Variants in CPLX2 observed in about 807,000 individuals in gnomAD.
CPLX2 encodes the protein complexin 2.
A neutral mutation model predicts 16.3 loss-of-function variants in CPLX2; 5 were observed. The observed-to-expected ratio is 0.31, with a 90% CI of 0.16 to 0.64. CPLX2 has a LOEUF of 0.64. Ranked by LOEUF, CPLX2 falls within the 30% of genes least tolerant of loss-of-function variation. The pLI is 0.79. For missense variants in CPLX2, 144 were observed against 181.4 expected (o/e 0.79, Z 1.18); for synonymous variants, 89 against 73.2 (o/e 1.22, Z -1.10).
upstream of CPLX2, among the ~76,000 whole-genome samples, chr5:175,869,406 AG>A (rs1759538399): frequency 6.6e-6 from 1 of 151,874 alleles, no homozygotes; most frequent in Non-Finnish European, 1.5e-5. Context: ...AACCCCACAC[AG>A]GGCAGTCTAT....
chr5:175,812,313 C>T (rs1156312536), intron 2 of CPLX2, among the ~76,000 whole-genome samples: 1 of 152,208 alleles, frequency 6.6e-6, no homozygotes, highest in Non-Finnish European at 1.5e-5. Context: ...ATGAGAACAC[C>T]AGTGAGCTTC....
At chr5:175,839,574 C>T (rs539253401) in intron 2 of CPLX2, among the ~76,000 whole-genome samples, 2 of 152,348 alleles carry the variant, frequency 1.3e-5, no homozygotes, top group African/African-American at 4.8e-5. Context: ...GCGTGAGCCA[C>T]CTCATCCGGC....
rs918496397 is a variant in CPLX2 at position 175,809,144 on chromosome 5, G to A, written c.-89+76G>A. ...CTCATCCCTGGAGCCCTGATGAAGG[G>A]GGCACGTCTTCCCCTCTGTGATTGC... On this transcript the variant is annotated intron_variant, in intron 2 of 4. Coordinates refer to the CPLX2 transcript ENST00000359546. This position sits in a 1 kb window ranked among gnomAD's most constrained non-coding sequence, Gnocchi z 4.4. The A allele has an allele frequency of 3.9e-5, 6 of 152,330 alleles. No individual in the cohort carries two copies. The highest frequency in any genetic ancestry group is 1.2e-4 in the African/African-American group (5 of 41,436). 9.4% of individuals were successfully genotyped at this position (152,330 alleles called of 1,614,324 possible).
rs570374541 is a variant in CPLX2, at chr5:175,825,930, A to G, written c.-89+16862A>G. 9.3e-5 allele frequency among the ~76,000 whole-genome samples: 10 copies of G among 107,122 alleles called. No individual in the cohort carries two copies. In the East Asian group the frequency reaches 1.5e-3, roughly 16 times the overall value. The allele number at this position is 107,122 out of a possible 152,430, so 70.3% of individuals were successfully genotyped here. On this transcript the variant is annotated intron_variant, in intron 2 of 4. Transcript: ENST00000359546. ...TTCCCCTGGAAGTGGTTTTAAATGAATAAGTGCAAAAAAAAAAAAAAAAAA... is the reference window on the plus strand; with the variant it reads ...TTCCCCTGGAAGTGGTTTTAAATGAGTAAGTGCAAAAAAAAAAAAAAAAAA...
chr5:175,865,084 G>GCACACA (rs765539459), intron 2 of CPLX2, among the ~76,000 whole-genome samples: 16 of 24,812 alleles, frequency 6.4e-4, no homozygotes, highest in African/African-American at 1.4e-3. Context: ...ACGCATGTGC[G>GCACACA]CGCGCGCACA....
intron 2 of CPLX2, among the ~76,000 whole-genome samples, chr5:175,864,823 G>A (rs1421421442): frequency 1.3e-5 from 2 of 152,186 alleles, no homozygotes; most frequent in Non-Finnish European, 2.9e-5. Context: ...CACTGGAGGT[G>A]TTTAGGACGT....
At chr5:175,798,691 C>A (rs1444863619) in intron 1 of CPLX2, among the ~76,000 whole-genome samples, 1 of 152,132 alleles carries the variant, frequency 6.6e-6, no homozygotes, top group Non-Finnish European at 1.5e-5. Context: ...TGGATGGAAT[C>A]CTTCAAACAT....
chr5:175,803,697 C>T (rs1362788130), intron 1 of CPLX2, among the ~76,000 whole-genome samples: 1 of 152,204 alleles, frequency 6.6e-6, no homozygotes, highest in Non-Finnish European at 1.5e-5. Context: ...AGAGGGGTGG[C>T]GTGATCTAAA....
chr5:175,869,499 C>T (rs1759540890), upstream of CPLX2, among the ~76,000 whole-genome samples: 2 of 152,158 alleles, frequency 1.3e-5, no homozygotes, highest in African/African-American at 4.8e-5. Flanking sequence ...CCCCCATTGC[C>T]CTAATTCTAT....
intron 2 of CPLX2, among the ~76,000 whole-genome samples, chr5:175,847,075 C>G (rs1759055857): frequency 6.6e-6 from 1 of 152,196 alleles, no homozygotes; most frequent in Non-Finnish European, 1.5e-5. Context: ...AAGGGAGACC[C>G]CCGCCTGGAG....
chr5:175,847,866 TCCC>T (rs554023716), intron 2 of CPLX2, among the ~76,000 whole-genome samples: 1 of 152,108 alleles, frequency 6.6e-6, no homozygotes, highest in South Asian at 2.1e-4. Flanking sequence ...TGTCTGTCAG[TCCC>T]CCCGTGAGGT....
intron 2 of CPLX2, among the ~76,000 whole-genome samples, chr5:175,823,563 T>C (rs565687850): frequency 3.9e-4 from 59 of 152,258 alleles, no homozygotes; most frequent in African/African-American, 1.1e-3. Flanking sequence ...AAGTTGTTGA[T>C]AGATGAACCC....
chr5:175,867,174 G>A (rs1759493006), upstream of CPLX2, among the ~76,000 whole-genome samples: 1 of 152,118 alleles, frequency 6.6e-6, no homozygotes, highest in Non-Finnish European at 1.5e-5. Context: ...CTCTAGTGGG[G>A]GCAGAATAGA....
intron 2 of CPLX2, among the ~76,000 whole-genome samples, chr5:175,844,235 T>C (rs1457821639): frequency 6.6e-6 from 1 of 152,208 alleles, no homozygotes; most frequent in African/African-American, 2.4e-5. Flanking sequence ...CCTGGCAGTT[T>C]TGAATGTTAG....
chr5:175,820,507 A>T (rs888943246), intron 2 of CPLX2, among the ~76,000 whole-genome samples: 1 of 152,150 alleles, frequency 6.6e-6, no homozygotes, highest in Non-Finnish European at 1.5e-5. Context: ...GTCTCCCTGC[A>T]GCTGCCCCCA....
intron 2 of CPLX2, among the ~76,000 whole-genome samples, chr5:175,860,187 C>A (rs2113687781): frequency 6.6e-6 from 1 of 152,272 alleles, no homozygotes; most frequent in Admixed American, 6.5e-5. Flanking sequence ...CCCTGCTAAT[C>A]CCATACATAC....
intron 2 of CPLX2, among the ~76,000 whole-genome samples, chr5:175,862,739 A>G (rs895713310): frequency 5.9e-5 from 9 of 152,374 alleles, no homozygotes; most frequent in African/African-American, 1.9e-4. Context: ...AGACAAAAGT[A>G]TAAGACCCAG....
intron 2 of CPLX2, among the ~76,000 whole-genome samples, chr5:175,834,643 T>G (rs532355579): frequency 3.3e-5 from 5 of 152,220 alleles, no homozygotes; most frequent in African/African-American, 4.8e-5. Context: ...CAGGCCGAAG[T>G]GGACAGATCA....
intron 2 of CPLX2, among the ~76,000 whole-genome samples, chr5:175,831,101 T>C (rs980568402): frequency 9.0e-6 from 1 of 110,822 alleles, no homozygotes; most frequent in African/African-American, 3.7e-5. Flanking sequence ...AGCTTGCCTC[T>C]GTGTGTGTGT....
Sources: allele counts gnomAD v4.1 joint callset (sites outside exome capture counted in the v4.1 genomes callset), GRCh38; gene constraint gnomAD v4.1.1; non-coding constraint Gnocchi (gnomAD v3.1); transcripts MANE v1.5; gene names NCBI Gene and HGNC (gene_info 2026-07-23, HGNC 2026-07-21).